The following IL1RAP variants were observed in gnomAD, a reference collection of about 807,000 sequenced individuals.
IL1RAP encodes interleukin-1 receptor accessory protein.
In IL1RAP, 35 loss-of-function variants were observed where a neutral mutation model predicts 60.7. The observed-to-expected ratio is 0.58, with a 90% CI of 0.44 to 0.76. The LOEUF (loss-of-function observed/expected upper bound fraction) is 0.76. Ranked by LOEUF, IL1RAP falls within the 30% of genes least tolerant of loss-of-function variation. The pLI is 0.00. For synonymous variants in IL1RAP, 268 were observed against 250.9 expected (o/e 1.07, Z -0.64); for missense variants, 572 against 693.9 (o/e 0.82, Z 1.97).
chr3:190,618,076 T>C (rs1349499572), intron 5 of IL1RAP, among the ~76,000 whole-genome samples: 1 of 152,246 alleles, frequency 6.6e-6, no homozygotes, highest in Non-Finnish European at 1.5e-5. Context: ...TTTTAAGTGA[T>C]AGAGCCACAT....
At chr3:190,531,722 C>G (rs1024330797) in intron 1 of IL1RAP, among the ~76,000 whole-genome samples, 1 of 152,140 alleles carries the variant, frequency 6.6e-6, no homozygotes, top group African/African-American at 2.4e-5. Flanking sequence ...ATTAAGAAAC[C>G]GTAATATATC....
intron 3 of IL1RAP, among the ~76,000 whole-genome samples, chr3:190,579,648 TA>T (rs1727813852): frequency 6.6e-6 from 1 of 152,128 alleles, no homozygotes. Flanking sequence ...CCAGACACAT[TA>T]GTCGTGCTGC....
chr3:190,627,596 G>T (rs1265787669), intron 8 of IL1RAP, 147 bp downstream of exon 8: 3 of 1,054,452 alleles, frequency 2.8e-6, no homozygotes, highest in African/African-American at 3.2e-5. Flanking sequence ...TTTGGTGATT[G>T]CATCCCAAAC....
chr3:190,650,353 G>A lies in IL1RAP; in HGVS notation c.*1648G>A. On this transcript the variant is annotated 3_prime_UTR_variant, in exon 12 of 12. Coordinates refer to ENST00000447382, the MANE Select transcript of IL1RAP (RefSeq NM_002182.4). ...TGTGCACAGAGCTTCCATGGTCACT[G>A]CTAAGCAGTAGCCAGCCATCGGGCA... is the stretch of plus-strand genomic sequence containing the variant. 7.1e-6 allele frequency: 7 copies of A among 985,402 alleles called. No individual in the cohort carries two copies. Among genetic ancestry groups the A allele is most frequent in the Non-Finnish European group, 8.4e-6 (7 of 829,916 alleles). 61.0% of individuals were successfully genotyped at this position (985,402 alleles called of 1,614,324 possible). A position where few individuals can be genotyped will look rare whatever the true frequency, so the allele number is the denominator to read the frequency against.
At chr3:190,560,517 C>T (rs1462312828) in intron 2 of IL1RAP, among the ~76,000 whole-genome samples, 2 of 152,160 alleles carry the variant, frequency 1.3e-5, no homozygotes, top group Non-Finnish European at 2.9e-5. Context: ...GAGCACCAGG[C>T]TGAAGGCCTA....
intron 3 of IL1RAP, among the ~76,000 whole-genome samples, chr3:190,581,931 C>T (rs1331006228): frequency 6.6e-6 from 1 of 151,800 alleles, no homozygotes; most frequent in East Asian, 1.9e-4. Context: ...CAGATGGCAC[C>T]AATACTGTGT....
intron 9 of IL1RAP, among the ~76,000 whole-genome samples, chr3:190,643,871 C>A (rs962758018): frequency 6.6e-6 from 1 of 152,120 alleles, no homozygotes; most frequent in Non-Finnish European, 1.5e-5. Flanking sequence ...AATGAGAACT[C>A]CATCCCAAGA....
intron 9 of IL1RAP, chr3:190,630,294 T>C: frequency 1.4e-6 from 1 of 731,306 alleles, no homozygotes; most frequent in African/African-American, 1.9e-5. Context: ...AATCAGACTG[T>C]GTCTAAAACT....
chr3:190,564,511 A>G, intron 3 of IL1RAP, 158 bp downstream of exon 3: 1 of 641,096 alleles, frequency 1.6e-6, no homozygotes, highest in Non-Finnish European at 2.8e-6. Context: ...TAGAATTTTG[A>G]TGATGGAAAG....
rs146345079 is a variant in IL1RAP, at chr3:190,573,887, C to T, written c.64+9534C>T. Among the ~76,000 whole-genome samples, 711 of 152,240 alleles carry T rather than the reference C, an allele frequency of 4.7e-3. 7 individuals are homozygous for T. Among genetic ancestry groups the T allele is most frequent in the African/African-American group, 0.012 (499 of 41,562 alleles). ...CATTCTTTGAATCAAGGATTATATT[C>T]ATATAATATTATATTCATTTCTGAA... is the stretch of plus-strand genomic sequence containing the variant. On this transcript the variant is annotated intron_variant, in intron 3 of 11. Transcript: ENST00000447382.
intron 3 of IL1RAP, among the ~76,000 whole-genome samples, chr3:190,571,337 C>T (rs891304858): frequency 6.6e-6 from 1 of 151,590 alleles, no homozygotes; most frequent in East Asian, 1.9e-4. Context: ...AATAATAAGA[C>T]CCTGACTCCA....
exon 12 of IL1RAP, chr3:190,656,852 T>G (rs1053329453): frequency 1.2e-5 from 5 of 400,832 alleles, no homozygotes; most frequent in Non-Finnish European, 2.2e-5. Context: ...TATGTGAAAG[T>G]TGCCTAAAGT....
chr3:190,521,573 T>C (rs1722020130), intron 1 of IL1RAP, among the ~76,000 whole-genome samples: 1 of 151,972 alleles, frequency 6.6e-6, no homozygotes, highest in African/African-American at 2.4e-5. Flanking sequence ...ATGTCTAAGG[T>C]AGAGTGTTTT....
intron 3 of IL1RAP, among the ~76,000 whole-genome samples, chr3:190,596,268 T>C (rs1301148852): frequency 6.6e-6 from 1 of 152,210 alleles, no homozygotes; most frequent in Admixed American, 6.5e-5. Context: ...TACAAATATA[T>C]GAAGAGCTTT....
intron 9 of IL1RAP, among the ~76,000 whole-genome samples, chr3:190,636,423 A>T (rs751865314): frequency 1.3e-5 from 2 of 152,202 alleles, no homozygotes; most frequent in African/African-American, 2.4e-5. Flanking sequence ...AGGATTGACA[A>T]GTCTTTTTCA....
At chr3:190,626,610 A>G (rs914456662) in intron 7 of IL1RAP, among the ~76,000 whole-genome samples, 21 of 151,940 alleles carry the variant, frequency 1.4e-4, no homozygotes, top group African/African-American at 5.1e-4. Flanking sequence ...GAAAATAACA[A>G]AGGAGAAGAG....
chr3:190,620,209 G>A lies in IL1RAP; in HGVS notation c.538-66G>A, dbSNP rs149169872. 396 of 822,190 alleles carry A rather than the reference G, an allele frequency of 4.8e-4. 4 individuals are homozygous for A. The East Asian group carries it at 6.1e-3, about 13-fold the overall frequency. The allele number at this position is 822,190 out of a possible 1,614,324, so 50.9% of individuals were successfully genotyped here. Reference sequence around the variant, plus strand: ...TGTGCAAAATTAGATGTGAGTGTGCGTGTGTTTGTATGTTTTCTATGCATG... The same window carrying A: ...TGTGCAAAATTAGATGTGAGTGTGCATGTGTTTGTATGTTTTCTATGCATG... On this transcript the variant is annotated intron_variant, in intron 5 of 11. Coordinates refer to ENST00000447382, the MANE Select transcript of IL1RAP (RefSeq NM_002182.4).
intron 1 of IL1RAP, among the ~76,000 whole-genome samples, chr3:190,527,567 C>T (rs1175547653): frequency 6.6e-6 from 1 of 152,048 alleles, no homozygotes; most frequent in Non-Finnish European, 1.5e-5. Flanking sequence ...CAGGAAGTTT[C>T]ATTCCAGTTG....
intron 9 of IL1RAP, among the ~76,000 whole-genome samples, chr3:190,634,016 T>C (rs905950138): frequency 6.6e-6 from 1 of 152,204 alleles, no homozygotes; most frequent in African/African-American, 2.4e-5. Context: ...TTTATTTTCA[T>C]GAGCAATTTT....
Sources: allele counts gnomAD v4.1 joint callset (sites outside exome capture counted in the v4.1 genomes callset), GRCh38; gene constraint gnomAD v4.1.1; transcripts MANE v1.5; gene names NCBI Gene and HGNC (gene_info 2026-07-23, HGNC 2026-07-21).